AFG2A: variants seen among roughly 807,000 people sequenced by gnomAD.
AFG2A encodes ATPase family gene 2 protein homolog A.
the AFG2A span, chr4:123,102,339 G>C: frequency 6.7e-6 from 1 of 150,216 alleles, no homozygotes; most frequent in Non-Finnish European, 1.5e-5. Flanking sequence ...AGCCTTTAAG[G>C]CTGTTGTTGT....
chr4:123,032,068 A>G, the AFG2A span, among the ~76,000 whole-genome samples: 2 of 152,328 alleles, frequency 1.3e-5, no homozygotes, highest in East Asian at 3.9e-4. Context: ...TTGCTTTACT[A>G]TATGAAGAAC....
chr4:123,110,969 T>C, the AFG2A span, among the ~76,000 whole-genome samples: 2 of 152,218 alleles, frequency 1.3e-5, no homozygotes, highest in Non-Finnish European at 2.9e-5. Flanking sequence ...CATACTTTAT[T>C]TAAAAATTTT....
At chr4:122,932,217 G>C in the AFG2A span, among the ~76,000 whole-genome samples, 1 of 151,766 alleles carries the variant, frequency 6.6e-6, no homozygotes, top group Non-Finnish European at 1.5e-5. Flanking sequence ...GGAGGTTGCA[G>C]TGAGCTGAGA....
the AFG2A span, among the ~76,000 whole-genome samples, chr4:123,079,753 T>TC: frequency 7.1e-6 from 1 of 139,880 alleles, no homozygotes; most frequent in Non-Finnish European, 1.5e-5. Flanking sequence ...TTCTTTTTTT[T>TC]TTTTTTTTTT....
chr4:123,131,911 G>GTTAATAATATTTTATATT, the AFG2A span, among the ~76,000 whole-genome samples: 6 of 151,726 alleles, frequency 4.0e-5, no homozygotes, highest in East Asian at 1.2e-3. Context: ...ATTTTCCACA[G>GTTAATAATATTTTATATT]CAGCTGCACC....
chr4:122,924,770 C>A, the AFG2A span, among the ~76,000 whole-genome samples: 1 of 152,104 alleles, frequency 6.6e-6, no homozygotes, highest in African/African-American at 2.4e-5. Context: ...AAATGCTTCT[C>A]AAGCTCTCTG....
chr4:123,218,242 T>C, the AFG2A span, among the ~76,000 whole-genome samples: 1 of 152,224 alleles, frequency 6.6e-6, no homozygotes, highest in South Asian at 2.1e-4. Flanking sequence ...CTATTTGTAC[T>C]GGCTTATGTG....
the AFG2A span, among the ~76,000 whole-genome samples, chr4:123,246,332 A>G: frequency 1.3e-5 from 2 of 152,162 alleles, no homozygotes; most frequent in African/African-American, 4.8e-5. Context: ...AAATTGTATT[A>G]GTTGCCTAAC....
the AFG2A span, among the ~76,000 whole-genome samples, chr4:123,168,898 TATC>T: frequency 6.6e-6 from 1 of 152,236 alleles, no homozygotes; most frequent in Non-Finnish European, 1.5e-5. Context: ...AGTCTCTGGT[TATC>T]ATGTTTAGAA....
the AFG2A span, among the ~76,000 whole-genome samples, chr4:123,295,604 A>C: frequency 6.6e-6 from 1 of 152,268 alleles, no homozygotes; most frequent in East Asian, 1.9e-4. Context: ...TCACGCCTGT[A>C]ATCCCAACTC....
chr4:123,075,278 A>G, the AFG2A span, among the ~76,000 whole-genome samples: 14 of 152,014 alleles, frequency 9.2e-5, no homozygotes, highest in African/African-American at 2.4e-4. Flanking sequence ...TTTTTACTGT[A>G]GCTTACTTAA....
the AFG2A span, among the ~76,000 whole-genome samples, chr4:123,311,398 C>T: frequency 7.6e-4 from 115 of 152,108 alleles, no homozygotes; most frequent in Non-Finnish European, 1.4e-3. Context: ...GAGGCCAAGG[C>T]GGGCGGATCA....
At chr4:123,242,582 T>G in the AFG2A span, among the ~76,000 whole-genome samples, 1 of 152,172 alleles carries the variant, frequency 6.6e-6, no homozygotes, top group Non-Finnish European at 1.5e-5. Flanking sequence ...TCCTTACACC[T>G]TATACAAAAA....
chr4:122,936,219 AC>A, the AFG2A span: 2 of 1,273,752 alleles, frequency 1.6e-6, no homozygotes, highest in Non-Finnish European at 2.2e-6. Flanking sequence ...AAAGTGAGAT[AC>A]TAGCACCTTA....
At chr4:123,285,099 C>T in the AFG2A span, among the ~76,000 whole-genome samples, 3 of 152,148 alleles carry the variant, frequency 2.0e-5, no homozygotes, top group African/African-American at 7.2e-5. Context: ...CTTCTCAAAC[C>T]CTGGCAGTAT....
chr4:123,108,032 C>CG, the AFG2A span, among the ~76,000 whole-genome samples: 17 of 152,334 alleles, frequency 1.1e-4, no homozygotes, highest in African/African-American at 3.8e-4. Context: ...CAGTGAGCCC[C>CG]GCCCTCCCAA....
the AFG2A span, among the ~76,000 whole-genome samples, chr4:123,074,861 G>A: frequency 1.3e-5 from 2 of 152,134 alleles, no homozygotes; most frequent in African/African-American, 2.4e-5. Context: ...ATAGAATTTA[G>A]GGTTTCGAGG....
At chr4:123,231,038 G>A in the AFG2A span, among the ~76,000 whole-genome samples, 11 of 151,926 alleles carry the variant, frequency 7.2e-5, no homozygotes, top group Admixed American at 1.3e-4. Flanking sequence ...ATTCTTAAGA[G>A]CCCTAGGATT....
chr4:123,208,811 A>T, the AFG2A span, among the ~76,000 whole-genome samples: 1 of 152,198 alleles, frequency 6.6e-6, no homozygotes. Context: ...CCTCTATAAT[A>T]TAGTAAAATA....
Sources: allele counts gnomAD v4.1 joint callset (sites outside exome capture counted in the v4.1 genomes callset), GRCh38; gene constraint gnomAD v4.1.1; transcripts MANE v1.5; gene names NCBI Gene and HGNC (gene_info 2026-07-23, HGNC 2026-07-21).